WDR70: variants seen among roughly 807,000 people sequenced by gnomAD.
The protein encoded by WDR70 is WD repeat domain 70, also known as WD repeat-containing protein 70.
In WDR70, 53 loss-of-function variants were observed where a neutral mutation model predicts 88.6. The ratio of observed to expected loss-of-function variants is 0.60; its 90% CI spans 0.48 to 0.75. The LOEUF is 0.75. Ranked by LOEUF, WDR70 falls within the 30% of genes least tolerant of loss-of-function variation. The pLI, the probability that WDR70 is intolerant of heterozygous loss-of-function variation, is 0.00. For missense variants in WDR70, 610 were observed against 823.2 expected (o/e 0.74, Z 3.17); for synonymous variants, 280 against 270.0 (o/e 1.04, Z -0.36).
At chr5:37,390,413 C>T (rs1748775460) in intron 3 of WDR70, among the ~76,000 whole-genome samples, 1 of 149,958 alleles carries the variant, frequency 6.7e-6, no homozygotes. Context: ...GATCTTGGCT[C>T]ACTGCAAGCT....
chr5:37,712,361 T>C (rs1291189273), intron 13 of WDR70, among the ~76,000 whole-genome samples: 1 of 152,246 alleles, frequency 6.6e-6, no homozygotes, highest in East Asian at 1.9e-4. Flanking sequence ...AAACTTTAGA[T>C]GATCCTTTTT....
intron 8 of WDR70, among the ~76,000 whole-genome samples, chr5:37,483,921 C>T (rs1215110626): frequency 5.7e-5 from 7 of 122,218 alleles, no homozygotes; most frequent in East Asian, 2.6e-4. Context: ...CAGACGGGGT[C>T]GCGGCCGGGC....
intron 3 of WDR70, among the ~76,000 whole-genome samples, chr5:37,384,059 A>G (rs1025148210): frequency 2.0e-5 from 3 of 152,088 alleles, no homozygotes; most frequent in Non-Finnish European, 4.4e-5. Flanking sequence ...ATTTTTGTAT[A>G]TACCTTAAAA....
At chr5:37,546,417 T>C (rs187366042) in intron 9 of WDR70, among the ~76,000 whole-genome samples, 1 of 152,348 alleles carries the variant, frequency 6.6e-6, no homozygotes, top group Non-Finnish European at 1.5e-5. Flanking sequence ...TGTTTTACTA[T>C]ATTATACACT....
At chr5:37,634,973 C>A (rs1008099259) in intron 10 of WDR70, among the ~76,000 whole-genome samples, 4 of 152,126 alleles carry the variant, frequency 2.6e-5, no homozygotes, top group African/African-American at 9.7e-5. Flanking sequence ...ATGCCTATTA[C>A]CCTCTTTCCC....
chr5:37,416,720 C>G (rs1749768664), intron 5 of WDR70, among the ~76,000 whole-genome samples: 1 of 151,922 alleles, frequency 6.6e-6, no homozygotes, highest in Admixed American at 6.6e-5. Flanking sequence ...ACTGAGATTA[C>G]AGGCATGTGC....
chr5:37,475,843 ATT>A (rs35126157), intron 7 of WDR70, among the ~76,000 whole-genome samples: 84 of 120,632 alleles, frequency 7.0e-4, no homozygotes, highest in African/African-American at 2.6e-3. Context: ...TGCATTACAT[ATT>A]TTTTTTTTTT....
At chr5:37,693,732 A>C (rs951274957) in intron 10 of WDR70, among the ~76,000 whole-genome samples, 3 of 152,228 alleles carry the variant, frequency 2.0e-5, no homozygotes, top group Admixed American at 1.3e-4. Context: ...CTTAAATGTT[A>C]GACCTAAAAC....
Position 37,479,936 on chromosome 5 carries a change from A to C in WDR70, c.789A>C (p.Val263=), listed in dbSNP as rs766935533. The change falls in exon 8 of 18, where the codon GTA becomes GTC. Residue 263 remains valine, a synonymous_variant. Coordinates refer to ENST00000265107, the MANE Select transcript of WDR70 (RefSeq NM_018034.4). ...TGATTGACAGAGATGGTTTTGAAGT[A>C]ATGGAATGTATAAAAGGAGACCAGT... ...AKVIDRDGFE[V]MECIKGDQYI... 5 of 1,614,180 alleles carry C rather than the reference A, an allele frequency of 3.1e-6. No individual in the cohort carries two copies. The South Asian group carries it at 5.5e-5, about 18-fold the overall frequency.
rs10070795 is a variant in WDR70, at chr5:37,734,228, C to T, written c.1877+7183C>T. 6.3e-3 allele frequency among the ~76,000 whole-genome samples: 963 copies of T among 152,022 alleles called. 9 individuals carry two copies. The highest frequency in any genetic ancestry group is 0.022 in the African/African-American group (927 of 41,510). ...TCAGTGATAGTGCACATCCTTTTTTCAATTTGAACTTTAAAAGGAATGATT... is the reference window on the plus strand; with the variant it reads ...TCAGTGATAGTGCACATCCTTTTTTTAATTTGAACTTTAAAAGGAATGATT... On this transcript the variant is annotated intron_variant, in intron 17 of 17. Transcript: ENST00000265107.
chr5:37,673,326 A>G (rs1414258750), intron 10 of WDR70, among the ~76,000 whole-genome samples: 1 of 151,952 alleles, frequency 6.6e-6, no homozygotes, highest in Non-Finnish European at 1.5e-5. Context: ...GGCTTATTCC[A>G]TGTCTTTGCT....
intron 6 of WDR70, 127 bp from the exon 7 acceptor site, chr5:37,443,112 A>G (rs2112053783): frequency 1.0e-6 from 1 of 962,142 alleles, no homozygotes. Flanking sequence ...AGAAGTAACA[A>G]TAGTTGGTGG....
chr5:37,694,112 G>A (rs1318220003), intron 10 of WDR70, among the ~76,000 whole-genome samples: 5 of 152,128 alleles, frequency 3.3e-5, no homozygotes, highest in Non-Finnish European at 7.4e-5. Flanking sequence ...CATCGTCACT[G>A]ATTATCAGAG....
chr5:37,732,204 CTG>C (rs1748167232), intron 17 of WDR70, among the ~76,000 whole-genome samples: 1 of 152,024 alleles, frequency 6.6e-6, no homozygotes, highest in African/African-American at 2.4e-5. Flanking sequence ...TATATGTCCT[CTG>C]AGAGAGAGAG....
chr5:37,443,188 G>A, intron 6 of WDR70, 51 bp from the exon 7 acceptor site: 2 of 1,542,804 alleles, frequency 1.3e-6, no homozygotes, highest in Non-Finnish European at 1.7e-6. Context: ...GGTTATAATT[G>A]ACCATATGTC....
intron 9 of WDR70, among the ~76,000 whole-genome samples, chr5:37,577,324 A>G (rs1041654417): frequency 6.6e-6 from 1 of 152,070 alleles, no homozygotes; most frequent in Admixed American, 6.5e-5. Context: ...ACAAAAAATA[A>G]AAAAGGAATA....
At chr5:37,380,077 T>G (rs1380526398) in intron 2 of WDR70, among the ~76,000 whole-genome samples, 1 of 152,194 alleles carries the variant, frequency 6.6e-6, no homozygotes, top group Non-Finnish European at 1.5e-5. Context: ...GTATTATTAT[T>G]TAAAAAGAAA....
At chr5:37,565,775 GGATAT>G (rs1742722139) in intron 9 of WDR70, among the ~76,000 whole-genome samples, 1 of 151,876 alleles carries the variant, frequency 6.6e-6, no homozygotes, top group South Asian at 2.1e-4. Context: ...AGAAGCCTGT[GGATAT>G]TTAGATTATT....
chr5:37,409,616 C>T lies in WDR70; in HGVS notation c.492+13046C>T, dbSNP rs531145237. Among the ~76,000 whole-genome samples, 7 of 151,784 alleles carry T rather than the reference C, an allele frequency of 4.6e-5. No homozygotes were observed. In the East Asian group the frequency reaches 1.2e-3, roughly 25 times the overall value. Reference sequence around the variant, plus strand: ...GACTTCTGGGTTCAAGCGATTCTCCCGCCTCAGCTTCCCGAGTAACTGGGA... The same window carrying T: ...GACTTCTGGGTTCAAGCGATTCTCCTGCCTCAGCTTCCCGAGTAACTGGGA... On this transcript the variant is annotated intron_variant, in intron 5 of 17. Transcript: ENST00000265107.
Sources: gnomAD v4.1 joint callset for allele counts (sites outside exome capture counted in the v4.1 genomes callset) on GRCh38, gnomAD v4.1.1 for gene constraint, MANE v1.5 for transcripts, NCBI Gene and HGNC (gene_info 2026-07-23, HGNC 2026-07-21) for gene names.